Variants in ADAT2 observed in about 807,000 individuals in gnomAD.
ADAT2 encodes adenosine deaminase tRNA specific 2.
In ADAT2, 26 loss-of-function variants were observed where a neutral mutation model predicts 25.9. That is an observed-to-expected ratio of 1.00 (90% CI 0.74 to 1.39). The LOEUF is 1.39. Among genes scored for constraint, ADAT2 ranks in the 40% most tolerant of loss-of-function variants. The probability of loss-of-function intolerance (pLI) is 0.00; values close to 1 mark genes in which losing one functional copy is unlikely to be tolerated. For missense variants in ADAT2, 220 were observed against 244.8 expected (o/e 0.90, Z 0.68); for synonymous variants, 76 against 86.8 (o/e 0.88, Z 0.69).
At position 143,426,157 on chromosome 6, in the gene ADAT2, T is replaced by C. The variant is rs1778928393; in HGVS notation, c.*2306A>G. 2.6e-5 allele frequency: 4 copies of C among 152,374 alleles called. No homozygotes were observed. In the Middle Eastern group the frequency reaches 0.01, roughly 389 times the overall value. 9.4% of individuals were successfully genotyped at this position (152,374 alleles called of 1,614,324 possible). On this transcript the variant is annotated 3_prime_UTR_variant, in exon 6 of 6. Transcript: ENST00000237283. This position sits in a 1 kb window ranked among gnomAD's most constrained non-coding sequence, Gnocchi z 4.1. ...TTGTACACAAAACAAGTCTTTCAGC[T>C]GGTGTCTTGGACAGGCACTATCAGT...
At position 143,432,012 on chromosome 6, in the gene ADAT2, C is replaced by G. The variant is rs567375874; in HGVS notation, c.459+493G>C. ...GAAATTTCAACATTAAAAAGACACACAAAAAAAGACATGAAAATACAGTGA... is the reference window on the plus strand; with the variant it reads ...GAAATTTCAACATTAAAAAGACACAGAAAAAAAGACATGAAAATACAGTGA... On this transcript the variant is annotated intron_variant, in intron 4 of 5. Coordinates refer to ENST00000237283, the MANE Select transcript of ADAT2 (RefSeq NM_182503.3). The surrounding 1 kb of genome is among the most constrained non-coding windows in gnomAD (Gnocchi z 4.4). Among the ~76,000 whole-genome samples the G allele has an allele frequency of 6.6e-6, 1 of 151,822 alleles. No homozygotes were observed. Among genetic ancestry groups the G allele is most frequent in the Non-Finnish European group, 1.5e-5 (1 of 67,936 alleles).
chr6:143,445,425 T>G (rs1779574705), intron 1 of ADAT2, among the ~76,000 whole-genome samples: 1 of 152,144 alleles, frequency 6.6e-6, no homozygotes, highest in African/African-American at 2.4e-5. Context: ...AGCCCTGTTC[T>G]AGATAGATAG....
intron 1 of ADAT2, among the ~76,000 whole-genome samples, chr6:143,448,177 C>T (rs1048470774): frequency 1.1e-4 from 16 of 152,080 alleles, no homozygotes; most frequent in African/African-American, 3.4e-4. Context: ...CGCATGTTCT[C>T]ACTCATAGAT....
chr6:143,439,934 A>G (rs113728200), intron 1 of ADAT2, among the ~76,000 whole-genome samples: 1,701 of 152,316 alleles, frequency 0.011, 26 homozygotes, highest in African/African-American at 0.039. Context: ...TTATATTCTC[A>G]AAGTTCCCTT....
rs1356802347 is a variant in ADAT2, at chr6:143,444,933, T to C, written c.96+5630A>G. ...GGGGAGAGATGGAAACAGACCTTGT[T>C]TGCACACAGTTTGATGAGTCCTTAA... is the stretch of plus-strand genomic sequence containing the variant. On this transcript the variant is annotated intron_variant, in intron 1 of 5. Transcript: ENST00000237283. This position sits in a 1 kb window ranked among gnomAD's most constrained non-coding sequence, Gnocchi z 4.3. The C allele has an allele frequency of 2.3e-6, 3 of 1,303,420 alleles. No individual in the cohort carries two copies. Among genetic ancestry groups the C allele is most frequent in the Middle Eastern group, 2.1e-4 (1 of 4,698 alleles). The allele number at this position is 1,303,420 out of a possible 1,614,324, so 80.7% of individuals were successfully genotyped here.
intron 4 of ADAT2, among the ~76,000 whole-genome samples, chr6:143,431,125 T>G (rs1324780251): frequency 7.2e-5 from 11 of 152,190 alleles, no homozygotes; most frequent in African/African-American, 2.7e-4. Context: ...AAAAGCACCT[T>G]TAAAAAAACC....
Position 143,428,408 on chromosome 6 carries a change from C to CT in ADAT2, c.*54dup. On this transcript the variant is annotated 3_prime_UTR_variant, in exon 6 of 6. Coordinates refer to ENST00000237283, the MANE Select transcript of ADAT2 (RefSeq NM_182503.3). This position sits in a 1 kb window ranked among gnomAD's most constrained non-coding sequence, Gnocchi z 5.0. ...TTCAACGATGTCAACAGCTTTCAGT[C>CT]TATGAATCTTGTCCAGGTCACTTTG... 1 of 1,565,102 alleles carries CT rather than the reference C, an allele frequency of 6.4e-7. No individual in the cohort carries two copies. The highest frequency in any genetic ancestry group is 8.7e-7 in the Non-Finnish European group (1 of 1,143,130).
chr6:143,423,130 G>T lies in ADAT2; in HGVS notation c.*5333C>A, dbSNP rs1361876136. The stretch of plus-strand genomic sequence containing the variant: ...TCAGCCTTTTACCTACTCTAGACCA[G>T]GGGCAGCTAACATTTTCTCGAAGGG... On this transcript the variant is annotated 3_prime_UTR_variant, in exon 6 of 6. Transcript: ENST00000237283. 2 of 152,200 alleles carry T rather than the reference G, an allele frequency of 1.3e-5. No homozygotes were observed. The highest frequency in any genetic ancestry group is 2.4e-5 in the African/African-American group (1 of 41,434). The allele number at this position is 152,200 out of a possible 1,614,324, so 9.4% of individuals were successfully genotyped here.
intron 4 of ADAT2, among the ~76,000 whole-genome samples, chr6:143,431,724 T>G (rs144115324): frequency 0.018 from 2,672 of 152,320 alleles, 106 homozygotes; most frequent in Admixed American, 0.073. Context: ...CCTGAGGTTT[T>G]TGAAGTGAAC....
In ADAT2 at chr6:143,438,707, G is replaced by C; in HGVS notation, c.97-13C>G. On this transcript the variant is annotated splice_polypyrimidine_tract_variant and intron_variant, in intron 1 of 5. Transcript: ENST00000237283. ...GGGCTTCTTTGGCCTGAAACACAAAGTGGAAAATGTAAGACGTAATACTCC... is the reference window on the plus strand; with the variant it reads ...GGGCTTCTTTGGCCTGAAACACAAACTGGAAAATGTAAGACGTAATACTCC... 2 of 1,604,248 alleles carry C rather than the reference G, an allele frequency of 1.2e-6. No homozygotes were observed. The highest frequency in any genetic ancestry group is 1.1e-5 in the South Asian group (1 of 90,898).
chr6:143,434,334 A>C lies in ADAT2; in HGVS notation c.202-353T>G, dbSNP rs1305756521. Among the ~76,000 whole-genome samples, 1 of 152,248 alleles carries C rather than the reference A, an allele frequency of 6.6e-6. No homozygotes were observed. Among genetic ancestry groups the C allele is most frequent in the Non-Finnish European group, 1.5e-5 (1 of 68,038 alleles). On this transcript the variant is annotated intron_variant, in intron 2 of 5. Coordinates refer to ENST00000237283, the MANE Select transcript of ADAT2 (RefSeq NM_182503.3). This position sits in a 1 kb window ranked among gnomAD's most constrained non-coding sequence, Gnocchi z 4.5. ...GGTTTCTGAATATTTCAGGGGAAGC[A>C]AAATTTTCATAAGCTTGTGCTCTAG...
At position 143,428,797 on chromosome 6, in the gene ADAT2, A is replaced by T. The variant is rs1779019349; in HGVS notation, c.460-113T>A. On this transcript the variant is annotated intron_variant, in intron 4 of 5. Coordinates refer to ENST00000237283, the MANE Select transcript of ADAT2 (RefSeq NM_182503.3). This position sits in a 1 kb window ranked among gnomAD's most constrained non-coding sequence, Gnocchi z 5.0. The stretch of plus-strand genomic sequence containing the variant: ...TGTAAACAGATTTCAGATGTTAATA[A>T]ACTTTGGGGATATTAGTAACATGGG... The T allele has an allele frequency of 1.9e-5, 19 of 1,005,804 alleles. No individual in the cohort carries two copies. In the South Asian group the frequency reaches 3.1e-4, roughly 16 times the overall value. The allele number at this position is 1,005,804 out of a possible 1,614,324, so 62.3% of individuals were successfully genotyped here.
intron 4 of ADAT2, among the ~76,000 whole-genome samples, chr6:143,429,446 G>T (rs1779045199): frequency 6.9e-6 from 1 of 144,134 alleles, no homozygotes; most frequent in Non-Finnish European, 1.5e-5. Flanking sequence ...AAGAAATTGT[G>T]CTAACAGTAA....
rs1779195829 is a variant in ADAT2, at chr6:143,434,052, A to T, written c.202-71T>A. On this transcript the variant is annotated intron_variant, in intron 2 of 5. Coordinates refer to ENST00000237283, the MANE Select transcript of ADAT2 (RefSeq NM_182503.3). The surrounding 1 kb of genome is among the most constrained non-coding windows in gnomAD (Gnocchi z 4.5). ...ACTACTATTTTACAAATATACAAAA[A>T]CTAAGTACAAAATATGCGCCTATCC... 1 of 1,574,626 alleles carries T rather than the reference A, an allele frequency of 6.4e-7. No homozygotes were observed. The highest frequency in any genetic ancestry group is 8.6e-7 in the Non-Finnish European group (1 of 1,158,026).
At chr6:143,441,834 C>G (rs1321453924) in intron 1 of ADAT2, 1 of 152,142 alleles carries the variant, frequency 6.6e-6, no homozygotes, top group African/African-American at 2.4e-5. Context: ...GAAATGTCAA[C>G]TAAAACCACA....
intron 3 of ADAT2, among the ~76,000 whole-genome samples, 174 bp downstream of exon 3, chr6:143,433,657 A>G (rs1193969881): frequency 1.3e-5 from 2 of 151,594 alleles, no homozygotes; most frequent in Non-Finnish European, 2.9e-5. Flanking sequence ...ATGAAAAGAA[A>G]TAGGTCATTT....
In ADAT2 at chr6:143,426,982, A is replaced by T. The variant is rs549874093; in HGVS notation, c.*1481T>A. 7.9e-5 allele frequency: 12 copies of T among 152,340 alleles called. No individual in the cohort carries two copies. Among genetic ancestry groups the T allele is most frequent in the African/African-American group, 2.6e-4 (11 of 41,556 alleles). 9.4% of individuals were successfully genotyped at this position (152,340 alleles called of 1,614,324 possible). ...CAAAAAGGAACAAACTAGTAGAAGCACTAAAATTCAATGAGAAGATAATTT... is the reference window on the plus strand; with the variant it reads ...CAAAAAGGAACAAACTAGTAGAAGCTCTAAAATTCAATGAGAAGATAATTT... On this transcript the variant is annotated 3_prime_UTR_variant, in exon 6 of 6. Coordinates refer to ENST00000237283, the MANE Select transcript of ADAT2 (RefSeq NM_182503.3). The surrounding 1 kb of genome is among the most constrained non-coding windows in gnomAD (Gnocchi z 4.1).
chr6:143,443,018 A>G (rs1779504932), intron 1 of ADAT2, among the ~76,000 whole-genome samples: 1 of 152,194 alleles, frequency 6.6e-6, no homozygotes, highest in Non-Finnish European at 1.5e-5. Flanking sequence ...TGAACATAAG[A>G]GCTTACAATT....
chr6:143,449,273 A>T (rs190064477), intron 1 of ADAT2, among the ~76,000 whole-genome samples: 1 of 152,278 alleles, frequency 6.6e-6, no homozygotes, highest in Admixed American at 6.5e-5. Flanking sequence ...GCTGTTCTTC[A>T]ACTTTTGAGA....
Sources: allele counts gnomAD v4.1 joint callset (sites outside exome capture counted in the v4.1 genomes callset), GRCh38; gene constraint gnomAD v4.1.1; non-coding constraint Gnocchi (gnomAD v3.1); transcripts MANE v1.5; gene names NCBI Gene and HGNC (gene_info 2026-07-23, HGNC 2026-07-21).